The following FUBP3 variants were observed in gnomAD, a reference collection of about 807,000 sequenced individuals.
FUBP3 encodes far upstream element binding protein 3, also known as far upstream element-binding protein 3.
A neutral mutation model predicts 85.6 loss-of-function variants in FUBP3; 28 were observed. The observed-to-expected ratio is 0.33, with a 90% CI of 0.24 to 0.45. The LOEUF (loss-of-function observed/expected upper bound fraction) is 0.45, where lower values mean the gene tolerates loss of function less well. FUBP3 is among the 20% of genes least tolerant of loss of function. The pLI is 1.00. For missense variants in FUBP3, 583 were observed against 755.1 expected (o/e 0.77, Z 2.67); for synonymous variants, 271 against 271.4 (o/e 1.00, Z 0.01).
intron 5 of FUBP3, among the ~76,000 whole-genome samples, chr9:130,614,000 G>A (rs529730726): frequency 1.4e-4 from 22 of 152,242 alleles, no homozygotes; most frequent in Non-Finnish European, 2.8e-4. Context: ...ACAATTACTA[G>A]CATGTGAGTG....
chr9:130,631,684 C>T (rs1588166936), intron 14 of FUBP3, 54 bp downstream of exon 14: 4 of 1,397,816 alleles, frequency 2.9e-6, no homozygotes, highest in Non-Finnish European at 1.0e-6. Context: ...CCCCAGAGAT[C>T]CCCTGTCGTT....
chr9:130,586,034 C>T (rs1830322375), intron 1 of FUBP3, among the ~76,000 whole-genome samples: 1 of 152,118 alleles, frequency 6.6e-6, no homozygotes, highest in Non-Finnish European at 1.5e-5. Flanking sequence ...GGTCTTGTTA[C>T]GTTGTCCAGG....
chr9:130,584,421 A>C (rs1245836336), intron 1 of FUBP3, among the ~76,000 whole-genome samples: 1 of 149,608 alleles, frequency 6.7e-6, no homozygotes, highest in South Asian at 2.2e-4. Context: ...CCAGCTACTC[A>C]GGAAGCTGAG....
intron 2 of FUBP3, among the ~76,000 whole-genome samples, chr9:130,607,857 TTCCTC>T (rs1831538394): frequency 6.6e-6 from 1 of 152,186 alleles, no homozygotes; most frequent in Non-Finnish European, 1.5e-5. Flanking sequence ...TGAACCTGAT[TTCCTC>T]TCAGTGATGC....
In FUBP3 at chr9:130,631,878, C is replaced by G. The variant is rs564570094; in HGVS notation, c.1353-64C>G. 5 of 1,218,318 alleles carry G rather than the reference C, an allele frequency of 4.1e-6. No individual in the cohort carries two copies. In the East Asian group the frequency reaches 1.2e-4, roughly 28 times the overall value. The allele number at this position is 1,218,318 out of a possible 1,614,324, so 75.5% of individuals were successfully genotyped here. A position where few individuals can be genotyped will look rare whatever the true frequency, so the allele number is the denominator to read the frequency against. On this transcript the variant is annotated intron_variant, in intron 14 of 18. Coordinates refer to ENST00000319725, the MANE Select transcript of FUBP3 (RefSeq NM_003934.2). ...CTGCCCCCTCAGTGCCCTGGGGCTG[C>G]GGGGAGGGGACGAGCCCTCTGTTGT... is the stretch of plus-strand genomic sequence containing the variant.
At chr9:130,580,592 T>C (rs1433388943) in intron 1 of FUBP3, 3 of 152,230 alleles carry the variant, frequency 2.0e-5, no homozygotes, top group Admixed American at 6.5e-5. Flanking sequence ...TCTCTTCTTA[T>C]GTAATTGTAA....
chr9:130,612,523 C>A lies in FUBP3; in HGVS notation c.274+18C>A. 1 of 1,474,988 alleles carries A rather than the reference C, an allele frequency of 6.8e-7. No homozygotes were observed. Among genetic ancestry groups the A allele is most frequent in the Non-Finnish European group, 9.5e-7 (1 of 1,055,524 alleles). 91.4% of individuals were successfully genotyped at this position (1,474,988 alleles called of 1,614,324 possible). A position where few individuals can be genotyped will look rare whatever the true frequency, so the allele number is the denominator to read the frequency against. On this transcript the variant is annotated intron_variant, in intron 4 of 18. Coordinates refer to ENST00000319725, the MANE Select transcript of FUBP3 (RefSeq NM_003934.2). The surrounding 1 kb of genome is among the most constrained non-coding windows in gnomAD (Gnocchi z 4.1). Reference sequence around the variant, plus strand: ...TGGATTTAGTAAGTATCCATGTTGTCTACTTTTTCCCTGATTCCTGTCTCT... The same window carrying A: ...TGGATTTAGTAAGTATCCATGTTGTATACTTTTTCCCTGATTCCTGTCTCT...
rs151174501 is a variant in FUBP3, at chr9:130,636,437, G to C, written c.1710+311G>C. On this transcript the variant is annotated intron_variant, in intron 18 of 18. Coordinates refer to ENST00000319725, the MANE Select transcript of FUBP3 (RefSeq NM_003934.2). ...ATTAGTAGTCTCTCTCTTCCTCTAA[G>C]CCTCAGTTTCCCTAACCGTAAAGGA... Among the ~76,000 whole-genome samples, 13 of 152,350 alleles carry C rather than the reference G, an allele frequency of 8.5e-5. No individual in the cohort carries two copies. The East Asian group carries it at 2.5e-3, about 29-fold the overall frequency.
chr9:130,623,829 G>A (rs1829858296), intron 11 of FUBP3, 118 bp downstream of exon 11: 1 of 538,618 alleles, frequency 1.9e-6, no homozygotes, highest in Admixed American at 3.6e-5. Flanking sequence ...TCACATTATG[G>A]GAAACCAGCA....
chr9:130,583,155 G>T (rs953793), intron 1 of FUBP3, among the ~76,000 whole-genome samples: 197 of 152,248 alleles, frequency 1.3e-3, no homozygotes, highest in African/African-American at 4.4e-3. Flanking sequence ...CAGATTTTTA[G>T]GCCCGAACCT....
At chr9:130,593,322 T>C (rs1368665266) in intron 1 of FUBP3, among the ~76,000 whole-genome samples, 4 of 152,244 alleles carry the variant, frequency 2.6e-5, no homozygotes, top group South Asian at 2.1e-4. Flanking sequence ...GTGCCAGGCC[T>C]GGTAGTTCTC....
chr9:130,610,565 A>G (rs1831690180), intron 3 of FUBP3, among the ~76,000 whole-genome samples: 1 of 152,212 alleles, frequency 6.6e-6, no homozygotes, highest in African/African-American at 2.4e-5. Context: ...AGATACAGAA[A>G]GAGCCCTGAG....
At chr9:130,602,349 A>G (rs191797729) in intron 2 of FUBP3, among the ~76,000 whole-genome samples, 1 of 152,234 alleles carries the variant, frequency 6.6e-6, no homozygotes, top group Admixed American at 6.5e-5. Context: ...GAAGAGTGAA[A>G]TAGACTATTT....
intron 6 of FUBP3, among the ~76,000 whole-genome samples, chr9:130,615,911 C>G (rs1831983205): frequency 6.6e-6 from 1 of 152,234 alleles, no homozygotes; most frequent in Admixed American, 6.5e-5. Context: ...TTCTTCCCAT[C>G]TTTCTCATTG....
chr9:130,585,886 A>G lies in FUBP3; in HGVS notation c.84+6122A>G, dbSNP rs180927645. 6.6e-5 allele frequency among the ~76,000 whole-genome samples: 10 copies of G among 152,330 alleles called. 1 individual carries two copies. The East Asian group carries it at 1.7e-3, about 26-fold the overall frequency. On this transcript the variant is annotated intron_variant, in intron 1 of 18. Transcript: ENST00000319725. ...CTTATGTTATGTCTGCTGTCTATTC[A>G]TACTCCCTTCTCTCTCCTTTTCTGT...
intron 12 of FUBP3, among the ~76,000 whole-genome samples, chr9:130,627,799 A>G (rs935863866): frequency 3.3e-5 from 5 of 152,168 alleles, no homozygotes; most frequent in African/African-American, 9.7e-5. Flanking sequence ...GCCTTTTGCA[A>G]ACTATTTTGT....
chr9:130,627,268 G>A (rs1418053913), intron 12 of FUBP3, among the ~76,000 whole-genome samples: 2 of 152,256 alleles, frequency 1.3e-5, no homozygotes, highest in Non-Finnish European at 1.5e-5. Context: ...GTGGGGCTCT[G>A]AGCCAGGCCT....
intron 1 of FUBP3, among the ~76,000 whole-genome samples, chr9:130,589,400 A>G (rs909635160): frequency 6.2e-5 from 9 of 145,280 alleles, no homozygotes; most frequent in Admixed American, 4.2e-4. Flanking sequence ...CTGGAGTGCA[A>G]TGGCTCGATC....
At chr9:130,623,909 T>C (rs576921954) in intron 11 of FUBP3, among the ~76,000 whole-genome samples, 198 bp downstream of exon 11, 1 of 152,320 alleles carries the variant, frequency 6.6e-6, no homozygotes, top group South Asian at 2.1e-4. Context: ...TCTGCCTTTA[T>C]TTACCTCACC....
Sources: allele counts gnomAD v4.1 joint callset (sites outside exome capture counted in the v4.1 genomes callset), GRCh38; gene constraint gnomAD v4.1.1; non-coding constraint Gnocchi (gnomAD v3.1); transcripts MANE v1.5; gene names NCBI Gene and HGNC (gene_info 2026-07-23, HGNC 2026-07-21).